QTMAN: variants seen among roughly 807,000 people sequenced by gnomAD.
The protein encoded by QTMAN is queuosine-tRNA mannosyltransferase.
the QTMAN span, among the ~76,000 whole-genome samples, chr2:144,322,471 T>C: frequency 2.6e-5 from 4 of 152,298 alleles, no homozygotes; most frequent in East Asian, 5.8e-4. Context: ...AAGCTTTGTG[T>C]GAAAATTATG....
the QTMAN span, among the ~76,000 whole-genome samples, chr2:144,278,942 G>C: frequency 6.6e-6 from 1 of 152,014 alleles, no homozygotes; most frequent in Non-Finnish European, 1.5e-5. Context: ...TTAATCCTTT[G>C]AACATCCCAG....
the QTMAN span, among the ~76,000 whole-genome samples, chr2:144,028,850 C>A: frequency 6.6e-6 from 1 of 152,168 alleles, no homozygotes; most frequent in Non-Finnish European, 1.5e-5. Context: ...GCTTGCAACA[C>A]TAGAGTGGTT....
At chr2:143,997,646 A>C in the QTMAN span, among the ~76,000 whole-genome samples, 1 of 152,136 alleles carries the variant, frequency 6.6e-6, no homozygotes, top group Non-Finnish European at 1.5e-5. Context: ...TCATATAGAC[A>C]TAAGAATTTT....
chr2:144,272,583 T>A, the QTMAN span, among the ~76,000 whole-genome samples: 21 of 152,200 alleles, frequency 1.4e-4, no homozygotes, highest in Non-Finnish European at 2.9e-4. Flanking sequence ...TAAAACTGTT[T>A]GAATCATACC....
At chr2:144,133,264 TAAA>T in the QTMAN span, among the ~76,000 whole-genome samples, 1 of 70,644 alleles carries the variant, frequency 1.4e-5, no homozygotes, top group Non-Finnish European at 2.5e-5. Context: ...TAAATATATA[TAAA>T]TATATATTTA....
At chr2:144,180,444 G>A in the QTMAN span, among the ~76,000 whole-genome samples, 3 of 151,874 alleles carry the variant, frequency 2.0e-5, no homozygotes, top group Admixed American at 6.6e-5. Flanking sequence ...TTTCTGAACT[G>A]TTAAAAAAAA....
At chr2:144,277,705 G>A in the QTMAN span, among the ~76,000 whole-genome samples, 82 of 151,604 alleles carry the variant, frequency 5.4e-4, 1 homozygote, top group African/African-American at 1.9e-3. Flanking sequence ...TTACTGGATT[G>A]ACATTTTCCC....
chr2:144,208,717 TGAA>T, the QTMAN span: 1 of 1,613,874 alleles, frequency 6.2e-7, no homozygotes, highest in Non-Finnish European at 8.5e-7. Flanking sequence ...TAACTCTTCT[TGAA>T]GAAGATCCAC....
the QTMAN span, among the ~76,000 whole-genome samples, chr2:144,111,298 T>C: frequency 6.6e-6 from 1 of 152,174 alleles, no homozygotes; most frequent in Non-Finnish European, 1.5e-5. Context: ...TCCTAACTGC[T>C]GTTTCTTCCC....
At chr2:143,983,931 T>C in the QTMAN span, among the ~76,000 whole-genome samples, 1 of 152,184 alleles carries the variant, frequency 6.6e-6, no homozygotes, top group Non-Finnish European at 1.5e-5. Context: ...TGTAAAAACA[T>C]ACATATGTCC....
At chr2:144,175,826 G>A in the QTMAN span, among the ~76,000 whole-genome samples, 57 of 152,110 alleles carry the variant, frequency 3.7e-4, no homozygotes, top group African/African-American at 1.0e-3. Context: ...CACCATGTTC[G>A]GCTAGTTTTT....
chr2:144,255,013 C>T, the QTMAN span, among the ~76,000 whole-genome samples: 1 of 152,198 alleles, frequency 6.6e-6, no homozygotes, highest in Non-Finnish European at 1.5e-5. Flanking sequence ...AAGTAACTAA[C>T]TTGCTTTTAA....
At chr2:144,216,850 T>C in the QTMAN span, among the ~76,000 whole-genome samples, 1 of 152,162 alleles carries the variant, frequency 6.6e-6, no homozygotes, top group Non-Finnish European at 1.5e-5. Context: ...GTTTGATCTA[T>C]TATCATCCTA....
chr2:144,322,877 A>T, the QTMAN span, among the ~76,000 whole-genome samples: 1 of 152,162 alleles, frequency 6.6e-6, no homozygotes, highest in South Asian at 2.1e-4. Flanking sequence ...TCTTGACACA[A>T]TTCATCATAT....
chr2:143,993,306 T>C, the QTMAN span, among the ~76,000 whole-genome samples: 1 of 152,110 alleles, frequency 6.6e-6, no homozygotes, highest in Non-Finnish European at 1.5e-5. Flanking sequence ...TTCATAGTGA[T>C]TGCACATGGT....
chr2:144,141,135 A>T, the QTMAN span, among the ~76,000 whole-genome samples: 3 of 151,966 alleles, frequency 2.0e-5, no homozygotes, highest in Admixed American at 2.0e-4. Context: ...TCAGTAAAAA[A>T]CAGCAGCGTC....
chr2:144,227,030 ATT>A, the QTMAN span, among the ~76,000 whole-genome samples: 1 of 152,154 alleles, frequency 6.6e-6, no homozygotes, highest in Non-Finnish European at 1.5e-5. Flanking sequence ...TTGCTTGTGT[ATT>A]AAAAAGTATA....
the QTMAN span, among the ~76,000 whole-genome samples, chr2:144,116,882 G>C: frequency 6.6e-6 from 1 of 152,160 alleles, no homozygotes; most frequent in African/African-American, 2.4e-5. Context: ...TTGAGATTCA[G>C]GGCTGCCTTC....
chr2:144,165,751 C>T, the QTMAN span, among the ~76,000 whole-genome samples: 2 of 152,198 alleles, frequency 1.3e-5, no homozygotes, highest in African/African-American at 4.8e-5. Flanking sequence ...CAACCACTTA[C>T]CAAACCAGAA....
Sources: allele counts gnomAD v4.1 joint callset (sites outside exome capture counted in the v4.1 genomes callset), GRCh38; gene constraint gnomAD v4.1.1; transcripts MANE v1.5; gene names NCBI Gene and HGNC (gene_info 2026-07-23, HGNC 2026-07-21).